PIP4K2A: variants seen among roughly 807,000 people sequenced by gnomAD.
PIP4K2A encodes phosphatidylinositol 5-phosphate 4-kinase type-2 alpha.
PIP4K2A carries 14 observed loss-of-function variants against 42.9 expected under a neutral mutation model. That is an observed-to-expected ratio of 0.33 (90% confidence interval 0.22 to 0.51). The LOEUF is 0.51. Ranked by LOEUF, PIP4K2A falls within the 20% of genes least tolerant of loss-of-function variation. The pLI is 0.97. For missense variants in PIP4K2A, 434 were observed against 519.8 expected (o/e 0.83, Z 1.61); for synonymous variants, 192 against 192.2 (o/e 1.00, Z 0.01).
intron 1 of PIP4K2A, among the ~76,000 whole-genome samples, chr10:22,647,930 A>G (rs1477417240): frequency 6.6e-6 from 1 of 152,278 alleles, no homozygotes; most frequent in Non-Finnish European, 1.5e-5. Context: ...TCTTCCAAGA[A>G]AAGCATTTAG....
At chr10:22,705,403 C>G (rs755572361) in intron 1 of PIP4K2A, among the ~76,000 whole-genome samples, 16 of 119,040 alleles carry the variant, frequency 1.3e-4, no homozygotes, top group Non-Finnish European at 2.3e-4. Flanking sequence ...ACCCCCTTTA[C>G]GTATTATATT....
chr10:22,571,626 C>T (rs1389109458), intron 5 of PIP4K2A, among the ~76,000 whole-genome samples: 2 of 152,134 alleles, frequency 1.3e-5, no homozygotes, highest in African/African-American at 4.8e-5. Context: ...ATGAAGAGTA[C>T]AAAAAGTTCA....
chr10:22,567,090 G>C (rs10741006), intron 6 of PIP4K2A, among the ~76,000 whole-genome samples: 88,229 of 152,090 alleles, frequency 0.58, 26,871 homozygotes, highest in East Asian at 0.92. Context: ...AAATGGAATA[G>C]TTAAGAAAAA....
chr10:22,684,553 A>G (rs1337901398), intron 1 of PIP4K2A, among the ~76,000 whole-genome samples: 1 of 152,208 alleles, frequency 6.6e-6, no homozygotes, highest in Admixed American at 6.5e-5. Context: ...CCTCTTAAAA[A>G]TATTCCCTAC....
chr10:22,550,074 G>A (rs1466389265), intron 7 of PIP4K2A, among the ~76,000 whole-genome samples: 5 of 152,096 alleles, frequency 3.3e-5, no homozygotes, highest in Admixed American at 2.0e-4. Flanking sequence ...ACTGTTCTAT[G>A]TCTCTCCACT....
chr10:22,579,477 A>C (rs1837207321), intron 4 of PIP4K2A, among the ~76,000 whole-genome samples: 1 of 152,204 alleles, frequency 6.6e-6, no homozygotes, highest in Non-Finnish European at 1.5e-5. Context: ...CGTGCACAAC[A>C]ATTAGAGGAC....
intron 1 of PIP4K2A, among the ~76,000 whole-genome samples, chr10:22,713,091 T>C (rs1236134269): frequency 6.6e-6 from 1 of 152,198 alleles, no homozygotes; most frequent in Non-Finnish European, 1.5e-5. Context: ...GCTAAGGTCA[T>C]GGTCAAAATT....
rs554126713 is a variant in PIP4K2A at position 22,697,603 on chromosome 10, T to C, written c.144+16580A>G. On this transcript the variant is annotated intron_variant, in intron 1 of 9. Transcript: ENST00000376573. ...AGCGGGGTATGGTGGCACACAACTATAGTCCCAGCTATTACAGGAGGCTGA... is the reference window on the plus strand; with the variant it reads ...AGCGGGGTATGGTGGCACACAACTACAGTCCCAGCTATTACAGGAGGCTGA... Among the ~76,000 whole-genome samples, 9 of 152,200 alleles carry C rather than the reference T, an allele frequency of 5.9e-5. No homozygotes were observed. The South Asian group carries it at 1.5e-3, about 25-fold the overall frequency.
intron 1 of PIP4K2A, among the ~76,000 whole-genome samples, chr10:22,615,023 T>G (rs1292007279): frequency 6.6e-6 from 1 of 152,218 alleles, no homozygotes; most frequent in African/African-American, 2.4e-5. Context: ...TTTAAATTAT[T>G]AGTTTGGCAT....
At chr10:22,572,804 G>A (rs1837021546) in intron 5 of PIP4K2A, among the ~76,000 whole-genome samples, 1 of 152,200 alleles carries the variant, frequency 6.6e-6, no homozygotes, top group Admixed American at 6.5e-5. Flanking sequence ...TGTACTTACA[G>A]TTCCCTCTGC....
At chr10:22,632,454 C>T (rs1838569769) in intron 1 of PIP4K2A, among the ~76,000 whole-genome samples, 1 of 152,104 alleles carries the variant, frequency 6.6e-6, no homozygotes, top group South Asian at 2.1e-4. Context: ...TTGTTTTTCT[C>T]CCTAATAATC....
intron 1 of PIP4K2A, among the ~76,000 whole-genome samples, chr10:22,682,679 G>C (rs1839686301): frequency 1.3e-5 from 2 of 152,174 alleles, no homozygotes; most frequent in African/African-American, 4.8e-5. Context: ...CAAAACCTCA[G>C]AGTATCTGTT....
intron 1 of PIP4K2A, among the ~76,000 whole-genome samples, chr10:22,703,720 T>G (rs1158763885): frequency 6.6e-6 from 1 of 152,238 alleles, no homozygotes; most frequent in Non-Finnish European, 1.5e-5. Context: ...CTGCCACTGC[T>G]GCAGACAAGG....
At chr10:22,575,393 G>T (rs567008125) in intron 4 of PIP4K2A, among the ~76,000 whole-genome samples, 2 of 152,056 alleles carry the variant, frequency 1.3e-5, no homozygotes, top group African/African-American at 4.8e-5. Context: ...CTCCCATCAC[G>T]AACTACCTTT....
intron 5 of PIP4K2A, among the ~76,000 whole-genome samples, chr10:22,572,401 A>T (rs1025476832): frequency 1.3e-5 from 2 of 152,172 alleles, no homozygotes; most frequent in African/African-American, 4.8e-5. Context: ...GGATTGCTTG[A>T]GCTCAGGAGT....
chr10:22,543,051 T>C (rs985875336), intron 7 of PIP4K2A, among the ~76,000 whole-genome samples: 11 of 152,220 alleles, frequency 7.2e-5, no homozygotes, highest in African/African-American at 2.7e-4. Flanking sequence ...AGGAAGCAGA[T>C]GTCCTCATGC....
chr10:22,664,162 T>TACAC (rs1328674465), intron 1 of PIP4K2A, among the ~76,000 whole-genome samples: 1 of 73,240 alleles, frequency 1.4e-5, no homozygotes, highest in Admixed American at 1.7e-4. Context: ...CACATATATA[T>TACAC]ATATACATAT....
intron 1 of PIP4K2A, among the ~76,000 whole-genome samples, chr10:22,631,559 G>A (rs371605705): frequency 5.9e-5 from 9 of 152,178 alleles, no homozygotes; most frequent in East Asian, 1.9e-4. Context: ...TATTTAAGCC[G>A]TCCAACTGAT....
Position 22,573,422 on chromosome 10 carries a change from G to A in PIP4K2A, c.528C>T (p.Pro176=), listed in dbSNP as rs1429217081. The A allele has an allele frequency of 1.2e-6, 2 of 1,613,872 alleles. No homozygotes were observed. The highest frequency in any genetic ancestry group is 2.2e-5 in the South Asian group (2 of 91,072). ...TAAGCCGGTACATGCCCAAGAACTG[G>A]GGAAGAAGGGTGATCCCATGACATT... is the stretch of plus-strand genomic sequence containing the variant. The part of the protein sequence containing the change: ...IVECHGITLL[P]QFLGMYRLNV... Residue 176 remains proline, a synonymous_variant, in exon 5 of 10, where the codon CCC becomes CCT. Transcript: ENST00000376573.
Sources: allele counts gnomAD v4.1 joint callset (sites outside exome capture counted in the v4.1 genomes callset), GRCh38; gene constraint gnomAD v4.1.1; transcripts MANE v1.5; gene names NCBI Gene and HGNC (gene_info 2026-07-23, HGNC 2026-07-21).